Variants in PCDHA3 observed in about 807,000 individuals in gnomAD.
PCDHA3 encodes the protein protocadherin alpha-3.
In PCDHA3, 41 loss-of-function variants were observed where a neutral mutation model predicts 62.2. That is an observed-to-expected ratio of 0.66 (90% CI 0.51 to 0.86). The LOEUF (loss-of-function observed/expected upper bound fraction) is 0.86, where lower values mean the gene tolerates loss of function less well. Among genes scored for constraint, PCDHA3 ranks in the 40% least tolerant of loss-of-function variants. The pLI is 0.00. For missense variants in PCDHA3, 1,304 were observed against 1,241.2 expected (o/e 1.05, Z -0.76); for synonymous variants, 640 against 555.4 (o/e 1.15, Z -2.14).
In PCDHA3 at chr5:140,883,728, A is replaced by G. The variant is rs781971725; in HGVS notation, c.2394+80137A>G. 2 of 1,613,392 alleles carry G rather than the reference A, an allele frequency of 1.2e-6. No homozygotes were observed. The highest frequency in any genetic ancestry group is 2.7e-5 in the African/African-American group (2 of 74,914). On this transcript the variant is annotated intron_variant, in intron 1 of 3. Transcript: ENST00000522353. ...GCTCAGGACGCGGACGCACAGGAGA[A>G]CGCGCTGGTCTCCTACTCGCTGGTG...
Position 140,874,495 on chromosome 5 carries a change from G to A in PCDHA3, c.2394+70904G>A, listed in dbSNP as rs532074473. 2.0e-5 allele frequency among the ~76,000 whole-genome samples: 3 copies of A among 152,336 alleles called. No homozygotes were observed. The South Asian group carries it at 6.2e-4, about 32-fold the overall frequency. ...AGAAAAAGCAAAAGGTTGATATCAAGTTCACATTCTCTTGACTTTAGTCAA... is the reference window on the plus strand; with the variant it reads ...AGAAAAAGCAAAAGGTTGATATCAAATTCACATTCTCTTGACTTTAGTCAA... On this transcript the variant is annotated intron_variant, in intron 1 of 3. Coordinates refer to ENST00000522353, the MANE Select transcript of PCDHA3 (RefSeq NM_018906.3).
At position 140,883,588 on chromosome 5, in the gene PCDHA3, C is replaced by A. The variant is rs781923113; in HGVS notation, c.2394+79997C>A. 5.6e-6 allele frequency: 9 copies of A among 1,613,794 alleles called. No homozygotes were observed. In the East Asian group the frequency reaches 6.7e-5, roughly 12 times the overall value. ...CGCCTTCGCTGTGGGCCACGGCCAG[C>A]GTGTCGGTGGGGGTGGCCGACGTGA... is the stretch of plus-strand genomic sequence containing the variant. On this transcript the variant is annotated intron_variant, in intron 1 of 3. Coordinates refer to ENST00000522353, the MANE Select transcript of PCDHA3 (RefSeq NM_018906.3).
chr5:140,808,135 T>A (rs1202926318), intron 1 of PCDHA3: 4 of 1,613,910 alleles, frequency 2.5e-6, no homozygotes, highest in Non-Finnish European at 3.4e-6. Context: ...GCAAATCCTA[T>A]GAAATTATTG....
chr5:140,886,847 AG>A lies in PCDHA3; in HGVS notation c.2394+83257del, dbSNP rs1299329603. ...GTCTTGAAAAAAAAAAAAAAAAAAA[AG>A]AAAGGTCTTCCCAACTCCTATATTG... On this transcript the variant is annotated intron_variant, in intron 1 of 3. Transcript: ENST00000522353. Among the ~76,000 whole-genome samples the A allele has an allele frequency of 2.2e-3, 339 of 151,134 alleles. 4 individuals are homozygous for A. Among genetic ancestry groups the A allele is most frequent in the African/African-American group, 7.8e-3 (323 of 41,170 alleles).
In PCDHA3 at chr5:140,808,485, C is replaced by G. The variant is rs782357684; in HGVS notation, c.2394+4894C>G. 12 of 1,614,058 alleles carry G rather than the reference C, an allele frequency of 7.4e-6. No individual in the cohort carries two copies. The highest frequency in any genetic ancestry group is 1.0e-5 in the Non-Finnish European group (12 of 1,180,062). On this transcript the variant is annotated intron_variant, in intron 1 of 3. Transcript: ENST00000522353. ...GTGACCGCGCGAGACGGGGGCTCGCCTTCGCTGTGGGCCACGGCCAGTGTT... is the reference window on the plus strand; with the variant it reads ...GTGACCGCGCGAGACGGGGGCTCGCGTTCGCTGTGGGCCACGGCCAGTGTT...
At chr5:140,851,158 C>G (rs2041978839) in intron 1 of PCDHA3, 1 of 1,299,046 alleles carries the variant, frequency 7.7e-7, no homozygotes, top group African/African-American at 1.5e-5. Context: ...ATTTCTGATG[C>G]TATGCTGCCA....
chr5:140,878,350 T>C (rs932815141), intron 1 of PCDHA3, among the ~76,000 whole-genome samples: 1 of 152,250 alleles, frequency 6.6e-6, no homozygotes, highest in Non-Finnish European at 1.5e-5. Context: ...CACAATAATA[T>C]AAATGATATG....
intron 1 of PCDHA3, among the ~76,000 whole-genome samples, chr5:140,891,408 C>G (rs1341322877): frequency 2.0e-5 from 3 of 147,046 alleles, no homozygotes; most frequent in Admixed American, 6.8e-5. Flanking sequence ...TCGCCACCCC[C>G]CACTCTTGCC....
chr5:140,840,846 C>A (rs1473721768), intron 1 of PCDHA3, among the ~76,000 whole-genome samples: 5 of 151,994 alleles, frequency 3.3e-5, no homozygotes, highest in Non-Finnish European at 5.9e-5. Flanking sequence ...TAATGCATTT[C>A]TTCCACACGA....
chr5:140,908,834 G>A (rs915665508), intron 1 of PCDHA3, among the ~76,000 whole-genome samples: 64 of 152,226 alleles, frequency 4.2e-4, no homozygotes, highest in African/African-American at 1.4e-3. Flanking sequence ...CGATAAATGG[G>A]CTGGAGTAAC....
chr5:140,823,974 G>A, intron 1 of PCDHA3: 1 of 1,614,122 alleles, frequency 6.2e-7, no homozygotes, highest in African/African-American at 1.3e-5. Context: ...TGTGCACACG[G>A]GGCAAGCCCA....
intron 1 of PCDHA3, chr5:140,823,973 G>C: frequency 1.9e-6 from 3 of 1,614,090 alleles, no homozygotes; most frequent in South Asian, 2.2e-5. Flanking sequence ...GTGTGCACAC[G>C]GGGCAAGCCC....
chr5:140,877,592 T>G, intron 1 of PCDHA3: 1 of 1,613,812 alleles, frequency 6.2e-7, no homozygotes, highest in South Asian at 1.1e-5. Flanking sequence ...ATCTGTGCGG[T>G]GTCCAGCCTG....
At position 140,809,306 on chromosome 5, in the gene PCDHA3, G is replaced by T. The variant is rs17844285; in HGVS notation, c.2394+5715G>T. 2.6e-3 allele frequency: 4,249 copies of T among 1,614,114 alleles called. 99 individuals are homozygous for T. The East Asian group carries it at 0.049, about 19-fold the overall frequency. On this transcript the variant is annotated intron_variant, in intron 1 of 3. Transcript: ENST00000522353. ...ATACCTGATCATTGCCATCTGCGCG[G>T]TGTCCAGCCTTTTGGTGCTCACGCT...
intron 1 of PCDHA3, chr5:140,883,531 T>G: frequency 6.2e-7 from 1 of 1,614,210 alleles, no homozygotes; most frequent in Non-Finnish European, 8.5e-7. Flanking sequence ...TATCAGCCTA[T>G]GAACTGGTGG....
At chr5:140,838,747 G>A (rs1055072551) in intron 1 of PCDHA3, among the ~76,000 whole-genome samples, 2 of 151,894 alleles carry the variant, frequency 1.3e-5, no homozygotes, top group South Asian at 2.1e-4. Flanking sequence ...ACCAGCTTGT[G>A]CATCTTTTGT....
rs189226531 is a variant in PCDHA3, at chr5:140,874,455, T to C, written c.2394+70864T>C. 5.3e-5 allele frequency among the ~76,000 whole-genome samples: 8 copies of C among 152,332 alleles called. No homozygotes were observed. The East Asian group carries it at 1.5e-3, about 29-fold the overall frequency. On this transcript the variant is annotated intron_variant, in intron 1 of 3. Coordinates refer to ENST00000522353, the MANE Select transcript of PCDHA3 (RefSeq NM_018906.3). ...CATGTCCTAACTACTAAATGACCTG[T>C]AGGGGAAGATTTAGAGAAAAAGCAA...
intron 1 of PCDHA3, chr5:140,809,006 C>A: frequency 6.2e-7 from 1 of 1,613,702 alleles, no homozygotes; most frequent in South Asian, 1.1e-5. Flanking sequence ...CAACGCGTGG[C>A]TTTCGTACGA....
At chr5:140,968,621 T>C (rs782017664) in intron 1 of PCDHA3, 11 of 1,614,190 alleles carry the variant, frequency 6.8e-6, no homozygotes, top group Non-Finnish European at 8.5e-6. Context: ...GCAAAATGCT[T>C]GGCTTTTTTA....
Sources: allele counts gnomAD v4.1 joint callset (sites outside exome capture counted in the v4.1 genomes callset), GRCh38; gene constraint gnomAD v4.1.1; transcripts MANE v1.5; gene names NCBI Gene and HGNC (gene_info 2026-07-23, HGNC 2026-07-21).